RBFOX1: variants seen among roughly 807,000 people sequenced by gnomAD.
The protein encoded by RBFOX1 is RNA binding protein fox-1 homolog 1.
A neutral mutation model predicts 57.7 loss-of-function variants in RBFOX1; 8 were observed. That is an observed-to-expected ratio of 0.14 (90% CI 0.08 to 0.25). RBFOX1 has a LOEUF of 0.25. RBFOX1 is among the 10% of genes least tolerant of loss of function. The pLI is 1.00. For synonymous variants in RBFOX1, 326 were observed against 222.4 expected (o/e 1.47, Z -4.15); for missense variants, 611 against 548.5 (o/e 1.11, Z -1.14).
intron 14 of RBFOX1, among the ~76,000 whole-genome samples, chr16:7,700,348 C>G (rs1335784558): frequency 1.3e-5 from 2 of 152,138 alleles, no homozygotes; most frequent in African/African-American, 4.8e-5. Flanking sequence ...CCATTATCAT[C>G]TCCATTTATA....
intron 3 of RBFOX1, among the ~76,000 whole-genome samples, chr16:6,805,699 C>A (rs1221334863): frequency 1.3e-5 from 2 of 149,852 alleles, no homozygotes; most frequent in Non-Finnish European, 2.9e-5. Context: ...TCCTTACCAT[C>A]TTGTCCATTC....
chr16:6,047,885 C>T (rs1024426052), intron 1 of RBFOX1, among the ~76,000 whole-genome samples: 2 of 152,126 alleles, frequency 1.3e-5, no homozygotes, highest in African/African-American at 4.8e-5. Flanking sequence ...AAGTGATTTT[C>T]TTACGGTTTC....
intron 3 of RBFOX1, among the ~76,000 whole-genome samples, chr16:5,781,354 G>A (rs934365335): frequency 6.6e-6 from 1 of 152,158 alleles, no homozygotes; most frequent in Non-Finnish European, 1.5e-5. Context: ...TTTCTAGAGT[G>A]AGCTTCTCAA....
At chr16:6,726,261 C>G (rs1205776971) in intron 3 of RBFOX1, among the ~76,000 whole-genome samples, 1 of 152,080 alleles carries the variant, frequency 6.6e-6, no homozygotes, top group Non-Finnish European at 1.5e-5. Flanking sequence ...TTTTTGAATT[C>G]ATTGTGACTC....
At chr16:5,644,501 G>A (rs140740885) in intron 3 of RBFOX1, among the ~76,000 whole-genome samples, 1 of 152,044 alleles carries the variant, frequency 6.6e-6, no homozygotes, top group African/African-American at 2.4e-5. Context: ...CCACCTTAAA[G>A]TCCAGAACCA....
At chr16:6,814,456 A>G (rs879921509) in intron 3 of RBFOX1, among the ~76,000 whole-genome samples, 1 of 152,188 alleles carries the variant, frequency 6.6e-6, no homozygotes, top group African/African-American at 2.4e-5. Context: ...TGGGTGAACA[A>G]GGTAGATGTG....
At chr16:6,897,030 G>T (rs148099342) in intron 3 of RBFOX1, among the ~76,000 whole-genome samples, 1 of 152,292 alleles carries the variant, frequency 6.6e-6, no homozygotes, top group African/African-American at 2.4e-5. Context: ...AGCTCCCTGT[G>T]CCCAGACCTG....
At chr16:5,709,831 ATATATATATATATTTTTTTTTTTTTTTT>A (rs1213522601) in intron 3 of RBFOX1, among the ~76,000 whole-genome samples, 8 of 7,218 alleles carry the variant, frequency 1.1e-3, no homozygotes, top group East Asian at 0.011. Context: ...ATATATATAT[ATATATATATATATTTTTTTTTTTTTTTT>A]TTTTTTTTTT....
At chr16:7,559,573 C>T (rs928759197) in intron 5 of RBFOX1, among the ~76,000 whole-genome samples, 1 of 152,154 alleles carries the variant, frequency 6.6e-6, no homozygotes, top group Non-Finnish European at 1.5e-5. Flanking sequence ...TGTGTGCAAA[C>T]CCTGATACAC....
At chr16:6,098,929 C>T (rs181442040) in intron 1 of RBFOX1, among the ~76,000 whole-genome samples, 28 of 152,238 alleles carry the variant, frequency 1.8e-4, no homozygotes, top group Admixed American at 1.2e-3. Flanking sequence ...CGTTGAAGGA[C>T]GGCCTGGACT....
intron 2 of RBFOX1, among the ~76,000 whole-genome samples, chr16:6,350,098 A>T (rs1209137876): frequency 2.0e-5 from 3 of 152,170 alleles, no homozygotes; most frequent in African/African-American, 4.8e-5. Context: ...CATGCAATTG[A>T]TATTGGATTC....
intron 4 of RBFOX1, among the ~76,000 whole-genome samples, chr16:5,967,101 T>G (rs752376959): frequency 2.0e-5 from 3 of 151,684 alleles, no homozygotes; most frequent in Non-Finnish European, 4.4e-5. Flanking sequence ...GACGGCTGCT[T>G]CTTCGAGTTA....
intron 4 of RBFOX1, among the ~76,000 whole-genome samples, chr16:7,417,356 G>C (rs2098488908): frequency 1.5e-5 from 2 of 137,556 alleles, no homozygotes; most frequent in African/African-American, 2.8e-5. Context: ...CTGGGCAACA[G>C]AGCGAGACTC....
At chr16:5,249,310 C>CTGACTG (rs984743540) in intron 1 of RBFOX1, among the ~76,000 whole-genome samples, 1 of 152,188 alleles carries the variant, frequency 6.6e-6, no homozygotes, top group African/African-American at 2.4e-5. Context: ...CCTGCCACCC[C>CTGACTG]TGACTGTGCC....
intron 3 of RBFOX1, among the ~76,000 whole-genome samples, chr16:5,648,817 A>C (rs1331468526): frequency 6.6e-6 from 1 of 152,184 alleles, no homozygotes; most frequent in East Asian, 1.9e-4. Flanking sequence ...TAATCCCAGC[A>C]CTTCGGGAGG....
intron 14 of RBFOX1, among the ~76,000 whole-genome samples, chr16:7,698,820 C>G (rs193157399): frequency 5.3e-5 from 8 of 152,250 alleles, no homozygotes; most frequent in African/African-American, 1.2e-4. Flanking sequence ...TATTGAGAAC[C>G]TTCTGTATAT....
intron 4 of RBFOX1, among the ~76,000 whole-genome samples, chr16:7,191,085 A>G (rs1337351086): frequency 6.6e-6 from 1 of 152,174 alleles, no homozygotes; most frequent in Admixed American, 6.5e-5. Flanking sequence ...TCATTAGAAC[A>G]TAATGAAACT....
intron 4 of RBFOX1, among the ~76,000 whole-genome samples, chr16:7,310,886 G>C (rs2096291242): frequency 6.6e-6 from 1 of 152,172 alleles, no homozygotes; most frequent in African/African-American, 2.4e-5. Flanking sequence ...TGTCCTCACA[G>C]ATAGTCTGTT....
intron 1 of RBFOX1, among the ~76,000 whole-genome samples, chr16:6,316,509 T>C (rs1314668903): frequency 2.0e-5 from 3 of 152,198 alleles, no homozygotes; most frequent in Non-Finnish European, 2.9e-5. Context: ...AGTTCTAGCG[T>C]TGAAAGGAAA....
Sources: allele counts gnomAD v4.1 joint callset (sites outside exome capture counted in the v4.1 genomes callset), GRCh38; gene constraint gnomAD v4.1.1; transcripts MANE v1.5; gene names NCBI Gene and HGNC (gene_info 2026-07-23, HGNC 2026-07-21).